GNAQ: variants seen among roughly 807,000 people sequenced by gnomAD.
The protein encoded by GNAQ is G protein subunit alpha q.
GNAQ carries 8 observed loss-of-function variants against 43.9 expected under a neutral mutation model. The observed-to-expected ratio is 0.18, with a 90% confidence interval of 0.11 to 0.33. The LOEUF (loss-of-function observed/expected upper bound fraction) is 0.33, where lower values mean the gene tolerates loss of function less well. GNAQ is among the 10% of genes least tolerant of loss of function. GNAQ has a pLI of 1.00. For missense variants in GNAQ, 158 were observed against 450.8 expected, an observed-to-expected ratio of 0.35 and a Z score of 5.88; for synonymous variants, 155 against 170.7, an observed-to-expected ratio of 0.91 and a Z score of 0.71.
chr9:77,839,257 A>G (rs1398860317), intron 2 of GNAQ, among the ~76,000 whole-genome samples: 1 of 152,222 alleles, frequency 6.6e-6, no homozygotes, highest in Admixed American at 6.5e-5. Context: ...CAAGAGCTTC[A>G]ATTTTTACAG....
chr9:77,775,242 T>A (rs143212838), intron 5 of GNAQ, among the ~76,000 whole-genome samples: 4 of 152,306 alleles, frequency 2.6e-5, no homozygotes, highest in African/African-American at 9.6e-5. Context: ...CTTTGGGACA[T>A]GTAACCTACT....
Position 77,890,188 on chromosome 9 carries a change from T to C in GNAQ, c.321+31973A>G, listed in dbSNP as rs544879049. Among the ~76,000 whole-genome samples, 22 of 152,284 alleles carry C rather than the reference T, an allele frequency of 1.4e-4. No homozygotes were observed. In the East Asian group the frequency reaches 4.1e-3, roughly 28 times the overall value. ...CAATGTAATTGCCGATTCGCACATA[T>C]CTTTGTATTGGTTATTTGGGTTGGC... On this transcript the variant is annotated intron_variant, in intron 2 of 6. Transcript: ENST00000286548.
At position 77,939,937 on chromosome 9, in the gene GNAQ, G is replaced by C. The variant is rs956377435; in HGVS notation, c.137-17592C>G. Among the ~76,000 whole-genome samples the C allele has an allele frequency of 2.0e-5, 3 of 152,074 alleles. No homozygotes were observed. The East Asian group carries it at 5.8e-4, about 29-fold the overall frequency. On this transcript the variant is annotated intron_variant, in intron 1 of 6. Transcript: ENST00000286548. ...TGGGTTACCTCACAGTTATGTACTC[G>C]CTGATGTCCTGACACTTAATGATTA...
intron 2 of GNAQ, among the ~76,000 whole-genome samples, chr9:77,891,285 GCTCT>G (rs1828401604): frequency 6.6e-6 from 1 of 151,788 alleles, no homozygotes; most frequent in African/African-American, 2.4e-5. Context: ...TCCATCTCTT[GCTCT>G]CTTTCGTAGC....
chr9:77,738,154 T>A (rs1430728132), intron 5 of GNAQ, among the ~76,000 whole-genome samples: 1 of 152,220 alleles, frequency 6.6e-6, no homozygotes, highest in Non-Finnish European at 1.5e-5. Flanking sequence ...TATACCATAG[T>A]CAGTTTTTAT....
chr9:77,802,487 T>G (rs1307047135), intron 3 of GNAQ, among the ~76,000 whole-genome samples: 1 of 149,450 alleles, frequency 6.7e-6, no homozygotes, highest in Admixed American at 6.7e-5. Flanking sequence ...TTTTCTATTC[T>G]AAAAAAAAAA....
At chr9:77,878,409 G>A (rs1393736735) in intron 2 of GNAQ, among the ~76,000 whole-genome samples, 1 of 152,006 alleles carries the variant, frequency 6.6e-6, no homozygotes, top group Non-Finnish European at 1.5e-5. Context: ...TCTGTGACTT[G>A]GGCAATTTCA....
chr9:77,810,253 TCTATCTA>T (rs1826899643), intron 3 of GNAQ, among the ~76,000 whole-genome samples: 1 of 151,010 alleles, frequency 6.6e-6, no homozygotes, highest in East Asian at 1.9e-4. Context: ...TATCTATCTA[TCTATCTA>T]TCTATCTGTC....
chr9:77,772,094 G>C lies in GNAQ; in HGVS notation c.735+22369C>G, dbSNP rs138149532. Among the ~76,000 whole-genome samples the C allele has an allele frequency of 5.6e-3, 851 of 152,184 alleles. 1 individual carries two copies. Among genetic ancestry groups the C allele is most frequent in the African/African-American group, 0.019 (805 of 41,498 alleles). ...CAATTGAAGAGCACTGTACGGTGTA[G>C]ACCTGTAAACTTTAAAAATTATGAC... is the stretch of plus-strand genomic sequence containing the variant. On this transcript the variant is annotated intron_variant, in intron 5 of 6. Transcript: ENST00000286548.
intron 2 of GNAQ, among the ~76,000 whole-genome samples, chr9:77,884,893 T>C (rs1325711641): frequency 6.6e-6 from 1 of 152,162 alleles, no homozygotes; most frequent in Non-Finnish European, 1.5e-5. Context: ...AGGGAGATTT[T>C]GAAAAGAAAG....
In GNAQ at chr9:77,932,077, G is replaced by A. The variant is rs143048296; in HGVS notation, c.137-9732C>T. ...TAAAATAAAGACAGGATCATTAACA[G>A]AACTATGTTGCACCATATTGGCACC... On this transcript the variant is annotated intron_variant, in intron 1 of 6. Coordinates refer to ENST00000286548, the MANE Select transcript of GNAQ (RefSeq NM_002072.5). Among the ~76,000 whole-genome samples, 280 of 152,280 alleles carry A rather than the reference G, an allele frequency of 1.8e-3. 2 individuals carry two copies. The highest frequency in any genetic ancestry group is 6.3e-3 in the African/African-American group (262 of 41,566).
At chr9:78,020,633 T>G (rs1351305949) in intron 1 of GNAQ, among the ~76,000 whole-genome samples, 1 of 152,160 alleles carries the variant, frequency 6.6e-6, no homozygotes, top group African/African-American at 2.4e-5. Flanking sequence ...TCTTCCTGAT[T>G]GAGAACATCA....
rs139514787 is a variant in GNAQ at position 77,970,222 on chromosome 9, CAAAA to C, written c.137-47881_137-47878del. Among the ~76,000 whole-genome samples, 667 of 145,840 alleles carry C rather than the reference CAAAA, an allele frequency of 4.6e-3. 3 individuals are homozygous for C. Among genetic ancestry groups the C allele is most frequent in the African/African-American group, 0.015 (587 of 38,694 alleles). ...GCAACAGAGCAAGACTCCATCTCCA[CAAAA>C]AAAAAAAAACAAACAAACAAACAAA... On this transcript the variant is annotated intron_variant, in intron 1 of 6. Coordinates refer to ENST00000286548, the MANE Select transcript of GNAQ (RefSeq NM_002072.5).
intron 5 of GNAQ, among the ~76,000 whole-genome samples, chr9:77,791,450 G>A (rs1215344341): frequency 6.6e-6 from 1 of 152,102 alleles, no homozygotes; most frequent in African/African-American, 2.4e-5. Context: ...TGTTATCACA[G>A]GGAAAATAAG....
At chr9:77,848,939 CATA>C (rs1173357762) in intron 2 of GNAQ, among the ~76,000 whole-genome samples, 2 of 152,152 alleles carry the variant, frequency 1.3e-5, no homozygotes, top group African/African-American at 4.8e-5. Context: ...CCGTTCTAGA[CATA>C]ATAAAGGAAA....
chr9:77,778,125 T>G (rs182277591), intron 5 of GNAQ, among the ~76,000 whole-genome samples: 67 of 151,978 alleles, frequency 4.4e-4, no homozygotes, highest in Admixed American at 1.7e-3. Context: ...AAACTTTTAT[T>G]TTTCTTACTT....
intron 3 of GNAQ, among the ~76,000 whole-genome samples, chr9:77,811,892 A>ATAAAC (rs147426368): frequency 0.011 from 1,744 of 152,282 alleles, 13 homozygotes; most frequent in Non-Finnish European, 0.018. Context: ...ACTGGCAGGA[A>ATAAAC]TAAACTGATT....
chr9:77,793,532 G>GT (rs1296371238), intron 5 of GNAQ, among the ~76,000 whole-genome samples: 1 of 152,094 alleles, frequency 6.6e-6, no homozygotes, highest in Non-Finnish European at 1.5e-5. Context: ...AAAATGTACT[G>GT]TATTAAAAGC....
chr9:77,995,131 T>C (rs371507450), intron 1 of GNAQ, among the ~76,000 whole-genome samples: 1 of 152,214 alleles, frequency 6.6e-6, no homozygotes, highest in African/African-American at 2.4e-5. Context: ...TTCTAAGTAC[T>C]CTACATACTC....
Sources: allele counts gnomAD v4.1 joint callset (sites outside exome capture counted in the v4.1 genomes callset), GRCh38; gene constraint gnomAD v4.1.1; transcripts MANE v1.5; gene names NCBI Gene and HGNC (gene_info 2026-07-23, HGNC 2026-07-21).